Variants in PCDHA4 observed in about 807,000 individuals in gnomAD.
The protein encoded by PCDHA4 is protocadherin alpha-4.
Under a neutral mutation model 61.4 loss-of-function variants are expected in PCDHA4, and 49 were observed. The ratio of observed to expected loss-of-function variants is 0.80; its 90% CI spans 0.63 to 1.01. The LOEUF (loss-of-function observed/expected upper bound fraction) is 1.01. PCDHA4 is among the 50% of genes least tolerant of loss of function. PCDHA4 has a pLI of 0.00. For missense variants in PCDHA4, 1,254 were observed against 1,235.8 expected (o/e 1.01, Z -0.22); for synonymous variants, 590 against 550.3 (o/e 1.07, Z -1.01).
chr5:140,890,350 T>C (rs1199144948), intron 1 of PCDHA4, among the ~76,000 whole-genome samples: 1 of 152,186 alleles, frequency 6.6e-6, no homozygotes, highest in Non-Finnish European at 1.5e-5. Flanking sequence ...GTTTACTATA[T>C]AGCAATGGAT....
At chr5:140,993,831 T>C (rs2097584101) in intron 3 of PCDHA4, among the ~76,000 whole-genome samples, 1 of 152,190 alleles carries the variant, frequency 6.6e-6, no homozygotes, top group South Asian at 2.1e-4. Flanking sequence ...CTATACCATA[T>C]AGCCTAGGTA....
chr5:140,850,730 G>A lies in PCDHA4; in HGVS notation c.2385+41158G>A, dbSNP rs1439103901. The A allele has an allele frequency of 7.5e-6, 12 of 1,597,860 alleles. 2 individuals carry two copies. Among genetic ancestry groups the A allele is most frequent in the African/African-American group, 4.0e-5 (3 of 74,192 alleles). On this transcript the variant is annotated intron_variant, in intron 1 of 3. Transcript: ENST00000530339. The stretch of plus-strand genomic sequence containing the variant: ...CGACGCTGGTGTGTTCTAGCGCGGT[G>A]GGGAGTTGGTCGTACTCGCAGCAGA...
chr5:140,911,792 T>C (rs1429471693), intron 1 of PCDHA4, among the ~76,000 whole-genome samples: 1 of 152,190 alleles, frequency 6.6e-6, no homozygotes, highest in Non-Finnish European at 1.5e-5. Context: ...TTTTTGGGTC[T>C]AATCATATTA....
intron 1 of PCDHA4, among the ~76,000 whole-genome samples, chr5:140,953,076 T>C (rs1276914822): frequency 6.6e-6 from 1 of 152,106 alleles, no homozygotes; most frequent in East Asian, 1.9e-4. Flanking sequence ...ATCTCCAACA[T>C]TGGGGATTAC....
At chr5:140,921,131 C>T (rs532456439) in intron 1 of PCDHA4, among the ~76,000 whole-genome samples, 9 of 132,934 alleles carry the variant, frequency 6.8e-5, no homozygotes, top group Non-Finnish European at 1.1e-4. Context: ...CAGGTGCACA[C>T]CACTACACCC....
At chr5:140,988,600 T>C (rs962869761) in intron 3 of PCDHA4, among the ~76,000 whole-genome samples, 15 of 152,214 alleles carry the variant, frequency 9.9e-5, no homozygotes, top group Non-Finnish European at 1.8e-4. Context: ...AATGGTCATG[T>C]AAATAAAAGA....
chr5:140,847,832 C>T (rs1426202743), intron 1 of PCDHA4: 2 of 149,636 alleles, frequency 1.3e-5, no homozygotes, highest in Non-Finnish European at 3.0e-5. Context: ...AGAAAACTAC[C>T]TCAGTTGGTT....
chr5:140,989,253 G>A (rs886150768), intron 3 of PCDHA4, among the ~76,000 whole-genome samples: 4 of 152,194 alleles, frequency 2.6e-5, no homozygotes, highest in Non-Finnish European at 1.5e-5. Flanking sequence ...CTTGTCAAAA[G>A]GGAGATTCAA....
At chr5:140,935,840 G>T (rs155359) in intron 1 of PCDHA4, among the ~76,000 whole-genome samples, 87,412 of 151,068 alleles carry the variant, frequency 0.58, 26,203 homozygotes, top group African/African-American at 0.75. Context: ...ATTCCATACT[G>T]CTTAATGGTG....
At chr5:140,919,525 T>G (rs2079174631) in intron 1 of PCDHA4, among the ~76,000 whole-genome samples, 1 of 152,196 alleles carries the variant, frequency 6.6e-6, no homozygotes, top group Non-Finnish European at 1.5e-5. Context: ...TAATTCTCTT[T>G]TTTTCCTATA....
intron 1 of PCDHA4, chr5:140,857,722 C>T (rs371525843): frequency 4.4e-6 from 7 of 1,597,318 alleles, no homozygotes; most frequent in African/African-American, 2.7e-5. Flanking sequence ...TGGACGAGAA[C>T]GACAACGCTC....
chr5:140,918,502 C>A (rs1480204800), intron 1 of PCDHA4, among the ~76,000 whole-genome samples: 1 of 152,040 alleles, frequency 6.6e-6, no homozygotes, highest in Non-Finnish European at 1.5e-5. Context: ...TGGTACCAAT[C>A]CTTTTAAACT....
intron 1 of PCDHA4, among the ~76,000 whole-genome samples, chr5:140,950,547 TGGG>T (rs1385873509): frequency 6.6e-6 from 1 of 152,064 alleles, no homozygotes; most frequent in Non-Finnish European, 1.5e-5. Flanking sequence ...CTTGCATGGC[TGGG>T]GGGACACTTA....
In PCDHA4 at chr5:140,842,752, G is replaced by A; in HGVS notation, c.2385+33180G>A. The A allele has an allele frequency of 8.2e-6, 13 of 1,595,020 alleles. 2 individuals are homozygous for A. The highest frequency in any genetic ancestry group is 1.1e-5 in the Non-Finnish European group (13 of 1,165,472). ...CGCCGGGCTGCCACATCTTCACGGT[G>A]TCTGCGCGAGACGCGGACGCGCAGG... On this transcript the variant is annotated intron_variant, in intron 1 of 3. Transcript: ENST00000530339.
At chr5:140,907,995 C>T (rs1441720086) in intron 1 of PCDHA4, among the ~76,000 whole-genome samples, 9 of 152,166 alleles carry the variant, frequency 5.9e-5, no homozygotes, top group African/African-American at 1.9e-4. Flanking sequence ...AGTCCTTAAC[C>T]ATCCAGCCAA....
At chr5:140,979,243 C>T (rs1554240401) in intron 2 of PCDHA4, among the ~76,000 whole-genome samples, 1 of 152,178 alleles carries the variant, frequency 6.6e-6, no homozygotes, top group Non-Finnish European at 1.5e-5. Context: ...CAGAAACAGG[C>T]TGCTATGTAT....
intron 1 of PCDHA4, among the ~76,000 whole-genome samples, chr5:140,945,037 T>C (rs2093728945): frequency 6.6e-6 from 1 of 152,178 alleles, no homozygotes; most frequent in Non-Finnish European, 1.5e-5. Context: ...TAATTATCTT[T>C]GGTCTTATAT....
intron 1 of PCDHA4, among the ~76,000 whole-genome samples, chr5:140,976,117 G>C (rs782098917): frequency 5.4e-4 from 82 of 152,208 alleles, no homozygotes; most frequent in Admixed American, 1.4e-3. Flanking sequence ...ATTTTTCCAA[G>C]TTTAATCAAG....
chr5:140,968,081 G>A, intron 1 of PCDHA4: 2 of 1,614,120 alleles, frequency 1.2e-6, no homozygotes, highest in Non-Finnish European at 1.7e-6. Context: ...CAACATCACG[G>A]TGACAGCCAC....
Sources: gnomAD v4.1 joint callset for allele counts (sites outside exome capture counted in the v4.1 genomes callset) on GRCh38, gnomAD v4.1.1 for gene constraint, MANE v1.5 for transcripts, NCBI Gene and HGNC (gene_info 2026-07-23, HGNC 2026-07-21) for gene names.